Variants in UNC5D observed in about 807,000 individuals in gnomAD.
UNC5D encodes netrin receptor UNC5D.
A neutral mutation model predicts 105.4 loss-of-function variants in UNC5D; 39 were observed. The observed-to-expected ratio is 0.37, with a 90% confidence interval of 0.29 to 0.48. The LOEUF is 0.48. Among genes scored for constraint, UNC5D ranks in the 20% least tolerant of loss-of-function variants. The probability of loss-of-function intolerance (pLI) is 0.98; values close to 1 mark genes in which losing one functional copy is unlikely to be tolerated. For synonymous variants in UNC5D, 452 were observed against 450.4 expected (o/e 1.00, Z -0.04); for missense variants, 991 against 1,202.4 (o/e 0.82, Z 2.60).
chr8:35,544,534 A>G (rs1432489752), intron 1 of UNC5D: 1 of 1,608,808 alleles, frequency 6.2e-7, no homozygotes, highest in East Asian at 2.2e-5. Flanking sequence ...AAACTTCACC[A>G]GGTAAGGCAG....
rs35841172 is a variant in UNC5D, at chr8:35,356,626, GTTT to G, written c.103+120751_103+120753del. ...ATCTTACTGTAGCAACATCAACAAA[GTTT>G]TTTTTTTTTTTCCTCTCCTTATTCA... On this transcript the variant is annotated intron_variant, in intron 1 of 16. Transcript: ENST00000404895. Among the ~76,000 whole-genome samples the G allele has an allele frequency of 3.0e-3, 449 of 147,348 alleles. 1 individual carries two copies. Among genetic ancestry groups the G allele is most frequent in the African/African-American group, 0.011 (424 of 40,378 alleles).
intron 11 of UNC5D, among the ~76,000 whole-genome samples, chr8:35,745,902 A>T (rs145873069): frequency 2.6e-5 from 4 of 152,178 alleles, no homozygotes; most frequent in African/African-American, 9.6e-5. Context: ...CCCAGCAGGG[A>T]CATGTATACT....
chr8:35,319,376 A>C (rs1809548382), intron 1 of UNC5D, among the ~76,000 whole-genome samples: 1 of 152,134 alleles, frequency 6.6e-6, no homozygotes, highest in African/African-American at 2.4e-5. Context: ...CTGTTGCATG[A>C]AGAACAGCCA....
chr8:35,747,783 CT>C (rs1256173381), intron 11 of UNC5D, among the ~76,000 whole-genome samples: 11 of 152,202 alleles, frequency 7.2e-5, no homozygotes, highest in African/African-American at 2.7e-4. Flanking sequence ...TTAACTTTCA[CT>C]TTCTTTTATC....
At chr8:35,294,112 T>C (rs528776100) in intron 1 of UNC5D, among the ~76,000 whole-genome samples, 1 of 152,300 alleles carries the variant, frequency 6.6e-6, no homozygotes, top group East Asian at 1.9e-4. Flanking sequence ...ACTCAAAGAC[T>C]GGCAGCTGGT....
At position 35,793,010 on chromosome 8, in the gene UNC5D, A is replaced by G. The variant is rs1663357668; in HGVS notation, c.*2447A>G. On this transcript the variant is annotated 3_prime_UTR_variant, in exon 17 of 17. Coordinates refer to ENST00000404895, the MANE Select transcript of UNC5D (RefSeq NM_080872.4). ...CCTGGGTTTTATAAACAACTTGAAC[A>G]TCATATCATATAGGATAACAAAGGA... 1 of 454,640 alleles carries G rather than the reference A, an allele frequency of 2.2e-6. No individual in the cohort carries two copies. Among genetic ancestry groups the G allele is most frequent in the African/African-American group, 2.0e-5 (1 of 49,988 alleles). The allele number at this position is 454,640 out of a possible 1,614,324, so 28.2% of individuals were successfully genotyped here.
intron 7 of UNC5D, among the ~76,000 whole-genome samples, chr8:35,689,228 G>A (rs1586441624): frequency 6.6e-6 from 1 of 152,282 alleles, no homozygotes; most frequent in South Asian, 2.1e-4. Flanking sequence ...ACAGATAATG[G>A]TTATCTCTTA....
intron 4 of UNC5D, among the ~76,000 whole-genome samples, chr8:35,649,157 A>G (rs1202263377): frequency 6.6e-6 from 1 of 152,174 alleles, no homozygotes; most frequent in Non-Finnish European, 1.5e-5. Context: ...GTTGAAGGAG[A>G]ATATTTCTGG....
chr8:35,588,109 A>T (rs1818914271), intron 3 of UNC5D, among the ~76,000 whole-genome samples: 1 of 151,590 alleles, frequency 6.6e-6, no homozygotes, highest in Non-Finnish European at 1.5e-5. Flanking sequence ...CTTATACAGA[A>T]CAATGTGACA....
At chr8:35,759,618 T>C (rs1801428445) in intron 14 of UNC5D, 149 bp downstream of exon 14, 1 of 919,862 alleles carries the variant, frequency 1.1e-6, no homozygotes, top group African/African-American at 1.7e-5. Context: ...CAGTTTGGAC[T>C]ACACACACGG....
At chr8:35,473,937 G>T (rs1809909919) in intron 1 of UNC5D, among the ~76,000 whole-genome samples, 1 of 152,118 alleles carries the variant, frequency 6.6e-6, no homozygotes, top group African/African-American at 2.4e-5. Context: ...ATGGCAGAAG[G>T]GCAAAGAAAG....
At chr8:35,762,592 A>G (rs1801588754) in intron 14 of UNC5D, among the ~76,000 whole-genome samples, 1 of 152,116 alleles carries the variant, frequency 6.6e-6, no homozygotes, top group Non-Finnish European at 1.5e-5. Context: ...TCGCCTCTGT[A>G]GAATTAGCAA....
chr8:35,401,414 G>A (rs1395468385), intron 1 of UNC5D, among the ~76,000 whole-genome samples: 2 of 152,166 alleles, frequency 1.3e-5, no homozygotes, highest in Non-Finnish European at 2.9e-5. Context: ...AACCTGGGTG[G>A]CAGAGGTTGC....
intron 1 of UNC5D, among the ~76,000 whole-genome samples, chr8:35,396,997 T>G (rs1804147385): frequency 6.6e-6 from 1 of 151,932 alleles, no homozygotes; most frequent in South Asian, 2.1e-4. Context: ...ACCTCTGCCT[T>G]CCAGGTTCAA....
intron 3 of UNC5D, among the ~76,000 whole-genome samples, chr8:35,581,657 C>T (rs1044499338): frequency 5.3e-5 from 8 of 152,116 alleles, no homozygotes; most frequent in Middle Eastern, 6.8e-3. Flanking sequence ...TGATGGGTAT[C>T]CCAGTAAGCT....
chr8:35,533,347 G>T (rs1316375162), intron 1 of UNC5D, among the ~76,000 whole-genome samples: 1 of 152,098 alleles, frequency 6.6e-6, no homozygotes, highest in African/African-American at 2.4e-5. Flanking sequence ...GTGCCTCCCA[G>T]TTAGGCTGCT....
chr8:35,784,784 C>T (rs1409197940), intron 16 of UNC5D, among the ~76,000 whole-genome samples: 1 of 151,848 alleles, frequency 6.6e-6, no homozygotes, highest in Non-Finnish European at 1.5e-5. Flanking sequence ...GAGAGTAGCT[C>T]GTTTACATCT....
intron 1 of UNC5D, among the ~76,000 whole-genome samples, chr8:35,530,941 T>C (rs953532932): frequency 2.0e-5 from 3 of 146,812 alleles, no homozygotes; most frequent in Non-Finnish European, 1.5e-5. Context: ...CTCTCTTTTT[T>C]TCTTTATTAG....
Position 35,646,888 on chromosome 8 carries a change from A to G in UNC5D, c.571-36659A>G, listed in dbSNP as rs537875556. Among the ~76,000 whole-genome samples, 12 of 152,254 alleles carry G rather than the reference A, an allele frequency of 7.9e-5. No individual in the cohort carries two copies. In the East Asian group the frequency reaches 2.3e-3, roughly 29 times the overall value. On this transcript the variant is annotated intron_variant, in intron 4 of 16. Transcript: ENST00000404895. ...GTGAAAATGGGATGTCGCTGTTGAT[A>G]TACTGTATTTTTCTAGCCTAACAGA...
Sources: gnomAD v4.1 joint callset for allele counts (sites outside exome capture counted in the v4.1 genomes callset) on GRCh38, gnomAD v4.1.1 for gene constraint, MANE v1.5 for transcripts, NCBI Gene and HGNC (gene_info 2026-07-23, HGNC 2026-07-21) for gene names.